Variants in FRMD4A observed in about 807,000 individuals in gnomAD.
FRMD4A encodes the protein FERM domain-containing protein 4A.
FRMD4A carries 29 observed loss-of-function variants against 129.1 expected under a neutral mutation model. The observed-to-expected ratio is 0.22, with a 90% CI of 0.17 to 0.31. The LOEUF (loss-of-function observed/expected upper bound fraction) is 0.31. Ranked by LOEUF, FRMD4A falls within the 10% of genes least tolerant of loss-of-function variation. The pLI is 1.00. For synonymous variants in FRMD4A, 634 were observed against 571.6 expected (o/e 1.11, Z -1.56); for missense variants, 1,272 against 1,375.8 (o/e 0.92, Z 1.19).
At chr10:13,814,580 C>CAAAAAAA (rs553044764) in intron 3 of FRMD4A, among the ~76,000 whole-genome samples, 568 of 41,388 alleles carry the variant, frequency 0.014, 3 homozygotes, top group Middle Eastern at 0.083. Flanking sequence ...GACCCTGTTT[C>CAAAAAAA]AAAAAAAAAA....
Position 13,720,675 on chromosome 10 carries a change from G to T in FRMD4A, c.760-13562C>A, listed in dbSNP as rs543929295. Among the ~76,000 whole-genome samples the T allele has an allele frequency of 3.3e-5, 5 of 152,320 alleles. No individual in the cohort carries two copies. The South Asian group carries it at 1.0e-3, about 32-fold the overall frequency. ...GGGAACCAGGGAAGGATAGGACAGG[G>T]TTTGCCACTGTTAACAAGGTAGCCA... On this transcript the variant is annotated intron_variant, in intron 12 of 24. Coordinates refer to ENST00000357447, the MANE Select transcript of FRMD4A (RefSeq NM_018027.5).
At chr10:13,735,646 G>C (rs2090585961) in intron 12 of FRMD4A, among the ~76,000 whole-genome samples, 2 of 152,176 alleles carry the variant, frequency 1.3e-5, no homozygotes, top group South Asian at 4.2e-4. Flanking sequence ...ATGAATACTT[G>C]TTAGCATGTC....
intron 11 of FRMD4A, among the ~76,000 whole-genome samples, chr10:13,739,580 C>T (rs1205643545): frequency 6.6e-6 from 1 of 152,196 alleles, no homozygotes; most frequent in Admixed American, 6.5e-5. Context: ...TGATCTTTAC[C>T]AAACTGAAAT....
rs569027033 is a variant in FRMD4A, at chr10:13,872,373, C to T, written c.46-13461G>A. On this transcript the variant is annotated intron_variant, in intron 2 of 24. Transcript: ENST00000357447. The stretch of plus-strand genomic sequence containing the variant: ...AGGAGGGTACTTCGTTCAGACAGGA[C>T]GCTTAGAAGCCCAGCTCTTTTTCCC... 1.2e-4 allele frequency among the ~76,000 whole-genome samples: 18 copies of T among 152,306 alleles called. No homozygotes were observed. In the South Asian group the frequency reaches 2.3e-3, roughly 19 times the overall value.
chr10:13,824,321 C>CAAAAAAA (rs397721588), intron 3 of FRMD4A, among the ~76,000 whole-genome samples: 85 of 99,014 alleles, frequency 8.6e-4, no homozygotes, highest in Admixed American at 1.2e-3. Flanking sequence ...ACTAAAAATA[C>CAAAAAAA]AAAAAAAAAA....
At chr10:13,767,102 C>G (rs1232379259) in intron 6 of FRMD4A, among the ~76,000 whole-genome samples, 1 of 152,016 alleles carries the variant, frequency 6.6e-6, no homozygotes, top group Admixed American at 6.6e-5. Flanking sequence ...ACAAAACACC[C>G]CTGAAAGCCA....
intron 2 of FRMD4A, among the ~76,000 whole-genome samples, chr10:14,000,662 A>AG: frequency 7.3e-6 from 1 of 137,406 alleles, no homozygotes; most frequent in South Asian, 3.0e-4. Flanking sequence ...AAAAAAAAAA[A>AG]AAAAAAGAGA....
At position 13,954,298 on chromosome 10, in the gene FRMD4A, A is replaced by G. The variant is rs892674056; in HGVS notation, c.46-95386T>C. Among the ~76,000 whole-genome samples, 4 of 152,342 alleles carry G rather than the reference A, an allele frequency of 2.6e-5. No individual in the cohort carries two copies. In the East Asian group the frequency reaches 7.7e-4, roughly 29 times the overall value. Reference sequence around the variant, plus strand: ...AAAGAAAAAGTGGTTTAATGGACTCACGGTTTCACATGGCTGGGGAGGCCT... The same window carrying G: ...AAAGAAAAAGTGGTTTAATGGACTCGCGGTTTCACATGGCTGGGGAGGCCT... On this transcript the variant is annotated intron_variant, in intron 2 of 24. Transcript: ENST00000357447.
chr10:14,326,120 G>A (rs1372449291), intron 2 of FRMD4A: 2 of 152,072 alleles, frequency 1.3e-5, no homozygotes, highest in South Asian at 2.1e-4. Flanking sequence ...CTATTTCATC[G>A]ATATAAAAAA....
At chr10:13,744,598 C>T (rs1401845410) in intron 9 of FRMD4A, 1 of 152,180 alleles carries the variant, frequency 6.6e-6, no homozygotes, top group Non-Finnish European at 1.5e-5. Context: ...GGCTGGGATG[C>T]TAAGACCCAC....
chr10:13,865,651 A>C (rs1287810137), intron 2 of FRMD4A, among the ~76,000 whole-genome samples: 1 of 151,126 alleles, frequency 6.6e-6, no homozygotes, highest in Non-Finnish European at 1.5e-5. Flanking sequence ...ACGTCTCACT[A>C]TGTAAATTCT....
At chr10:13,807,823 G>A (rs1428585906) in intron 4 of FRMD4A, among the ~76,000 whole-genome samples, 1 of 141,712 alleles carries the variant, frequency 7.1e-6, no homozygotes, top group African/African-American at 2.6e-5. Flanking sequence ...TTTGGAGACA[G>A]TGTTTTACTC....
chr10:14,045,776 A>C (rs940343927), intron 2 of FRMD4A, among the ~76,000 whole-genome samples: 1 of 145,702 alleles, frequency 6.9e-6, no homozygotes, highest in African/African-American at 2.5e-5. Flanking sequence ...ATATATATCT[A>C]TAATCATATT....
chr10:13,974,019 CTTTT>C (rs66523920), intron 2 of FRMD4A, among the ~76,000 whole-genome samples: 1 of 96,634 alleles, frequency 1.0e-5, no homozygotes, highest in African/African-American at 3.8e-5. Context: ...AGGGACAGTT[CTTTT>C]TTTTTTTTTT....
rs960852357 is a variant in FRMD4A, at chr10:13,743,240, C to T, written c.549-2663G>A. Among the ~76,000 whole-genome samples, 10 of 152,254 alleles carry T rather than the reference C, an allele frequency of 6.6e-5. 1 individual carries two copies. The South Asian group carries it at 1.0e-3, about 16-fold the overall frequency. ...GTGTGACAAGGTCGTCTCCTGAAGA[C>T]GATTCTCGAAAAGCATGCTCCCCAA... On this transcript the variant is annotated intron_variant, in intron 9 of 24. Transcript: ENST00000357447.
intron 15 of FRMD4A, chr10:13,684,511 G>A (rs947110115): frequency 7.1e-6 from 7 of 985,130 alleles, no homozygotes; most frequent in Non-Finnish European, 8.4e-6. Context: ...GGCAACGCCA[G>A]CAGCACAAAC....
At chr10:14,202,954 G>C (rs779093957) in intron 2 of FRMD4A, among the ~76,000 whole-genome samples, 1 of 151,942 alleles carries the variant, frequency 6.6e-6, no homozygotes, top group Non-Finnish European at 1.5e-5. Context: ...TGTATTTTTC[G>C]TAGAGACAGG....
intron 2 of FRMD4A, among the ~76,000 whole-genome samples, chr10:14,174,866 AGTGTGTGTGTGTCTGTGTGTGTGTGTGT>A (rs1255700891): frequency 2.9e-5 from 4 of 139,524 alleles, no homozygotes; most frequent in Admixed American, 7.1e-5. Context: ...TAAAAAAAAA[AGTGTGTGTGTGTCTGTGTGTGTGTGTGT>A]GTGTGTGTGT....
intron 2 of FRMD4A, among the ~76,000 whole-genome samples, chr10:14,049,043 A>G (rs1834132635): frequency 6.6e-6 from 1 of 152,076 alleles, no homozygotes; most frequent in Non-Finnish European, 1.5e-5. Context: ...GTGTTCAGGA[A>G]CTCCAGAGGC....
Sources: gnomAD v4.1 joint callset for allele counts (sites outside exome capture counted in the v4.1 genomes callset) on GRCh38, gnomAD v4.1.1 for gene constraint, MANE v1.5 for transcripts, NCBI Gene and HGNC (gene_info 2026-07-23, HGNC 2026-07-21) for gene names.